LYST: variants seen among roughly 807,000 people sequenced by gnomAD.
LYST encodes the protein lysosomal trafficking regulator.
LYST carries 192 observed loss-of-function variants against 413.6 expected under a neutral mutation model. The ratio of observed to expected loss-of-function variants is 0.46; its 90% CI spans 0.41 to 0.52. The LOEUF is 0.52. Among genes scored for constraint, LYST ranks in the 20% least tolerant of loss-of-function variants. LYST has a pLI of 0.00. For synonymous variants in LYST, 1,525 were observed against 1,567.3 expected, an observed-to-expected ratio of 0.97 and a Z score of 0.64; for missense variants, 3,815 against 4,499.9, an observed-to-expected ratio of 0.85 and a Z score of 4.35.
At chr1:235,738,845 T>C in intron 31 of LYST, 1 of 773,784 alleles carries the variant, frequency 1.3e-6, no homozygotes, top group South Asian at 1.3e-5. Flanking sequence ...GAATAAAGGA[T>C]GATGTCTTCC....
chr1:235,750,232 C>T (rs1008826363), intron 28 of LYST, among the ~76,000 whole-genome samples: 2 of 152,112 alleles, frequency 1.3e-5, no homozygotes, highest in Non-Finnish European at 2.9e-5. Context: ...CAAGAAGAGA[C>T]AGTGCATTCA....
intron 10 of LYST, among the ~76,000 whole-genome samples, chr1:235,797,880 A>C (rs1042606365): frequency 1.3e-5 from 2 of 152,212 alleles, no homozygotes; most frequent in Non-Finnish European, 2.9e-5. Flanking sequence ...ATATCTGATA[A>C]GAAATCAATA....
chr1:235,689,043 A>ACAG (rs1273885703), intron 47 of LYST, among the ~76,000 whole-genome samples: 2 of 147,172 alleles, frequency 1.4e-5, no homozygotes, highest in Non-Finnish European at 3.0e-5. Flanking sequence ...AACAACAACA[A>ACAG]CAACAATAAT....
Position 235,775,054 on chromosome 1 carries a change from T to C in LYST, c.5493A>G (p.Gln1831=). 2 of 1,612,078 alleles carry C rather than the reference T, an allele frequency of 1.2e-6. No individual in the cohort carries two copies. The highest frequency in any genetic ancestry group is 1.3e-5 in the African/African-American group (1 of 75,030). The stretch of plus-strand genomic sequence containing the variant: ...AGAGTATAACTCGCAGTGCTAATGC[T>C]TGAGTTTCTTCACAGCTACTGAGTT... The part of the protein sequence containing the change: ...VVELSSCEET[Q]ALALRVILSL... Residue 1831 remains glutamine, a synonymous_variant, in exon 18 of 53, where the codon CAA becomes CAG. Coordinates refer to ENST00000389793, the MANE Select transcript of LYST (RefSeq NM_000081.4).
chr1:235,825,212 T>A (rs1459462795), intron 3 of LYST, among the ~76,000 whole-genome samples: 1 of 152,180 alleles, frequency 6.6e-6, no homozygotes, highest in African/African-American at 2.4e-5. Flanking sequence ...CTCATTCTGA[T>A]AAAAGGTGTC....
intron 1 of LYST, among the ~76,000 whole-genome samples, chr1:235,836,790 A>T (rs1676625361): frequency 6.6e-6 from 1 of 152,228 alleles, no homozygotes; most frequent in South Asian, 2.1e-4. Context: ...GTTTACTGAT[A>T]GGTAAGACTG....
chr1:235,796,017 TAA>T (rs1671523951), intron 10 of LYST, among the ~76,000 whole-genome samples: 1 of 151,596 alleles, frequency 6.6e-6, no homozygotes, highest in Non-Finnish European at 1.5e-5. Context: ...AAAAATTAAA[TAA>T]AAGGTTGGGA....
Position 235,854,664 on chromosome 1 carries a change from G to A in LYST, c.-98+12179C>T, listed in dbSNP as rs765464019. 2.0e-5 allele frequency among the ~76,000 whole-genome samples: 3 copies of A among 152,098 alleles called. No homozygotes were observed. The highest frequency in any genetic ancestry group is 4.8e-5 in the African/African-American group (2 of 41,380). ...GTTGTTGCGAATATCAACATTAAAC[G>A]AGATAATTCATGTAAAATGCATAGC... On this transcript the variant is annotated intron_variant, in intron 1 of 52. Transcript: ENST00000389793. This position sits in a 1 kb window ranked among gnomAD's most constrained non-coding sequence, Gnocchi z 4.1.
rs978441504 is a variant in LYST at position 235,806,164 on chromosome 1, T to C, written c.2972A>G (p.His991Arg). The change falls in exon 6 of 53, where the codon CAT becomes CGT. Residue 991 changes from histidine (H) to arginine (R), a missense_variant. This residue lies in a region of LYST where 1,648 missense variants were observed against 1,810.3 expected (regional missense o/e 0.91). Coordinates refer to ENST00000389793, the MANE Select transcript of LYST (RefSeq NM_000081.4). Reference sequence around the variant, plus strand: ...CTGTATTATCATAAATATTAACTTATGGCATACTCGGAAACCACCAAGCCT... The same window carrying C: ...CTGTATTATCATAAATATTAACTTACGGCATACTCGGAAACCACCAAGCCT... ...FYRLGGFRVC[H>R]KLIFMIIQKL... The C allele has an allele frequency of 1.2e-5, 19 of 1,613,818 alleles. No individual in the cohort carries two copies. Among genetic ancestry groups the C allele is most frequent in the Middle Eastern group, 1.6e-4 (1 of 6,084 alleles).
At chr1:235,691,857 G>A (rs770437860) in intron 47 of LYST, among the ~76,000 whole-genome samples, 3 of 151,336 alleles carry the variant, frequency 2.0e-5, no homozygotes, top group South Asian at 4.2e-4. Flanking sequence ...ACCACCATGC[G>A]TGGCTAATTT....
rs767166436 is a variant in LYST, at chr1:235,766,280, G to GA, written c.5923-4dup. On this transcript the variant is annotated splice_polypyrimidine_tract_variant and splice_region_variant and intron_variant, in intron 20 of 52. Coordinates refer to ENST00000389793, the MANE Select transcript of LYST (RefSeq NM_000081.4). ...GTGAGTTGCCCCTCTTTGTATTCCTGAAAAAATAAAAAAAACTCTCTTTAG... is the reference window on the plus strand; with the variant it reads ...GTGAGTTGCCCCTCTTTGTATTCCTGAAAAAAATAAAAAAAACTCTCTTTAG... 1.4e-5 allele frequency: 22 copies of GA among 1,586,446 alleles called. No individual in the cohort carries two copies. The highest frequency in any genetic ancestry group is 1.7e-4 in the Middle Eastern group (1 of 5,928).
chr1:235,866,280 G>A (rs1399086035), intron 1 of LYST, among the ~76,000 whole-genome samples: 1 of 152,188 alleles, frequency 6.6e-6, no homozygotes, highest in Non-Finnish European at 1.5e-5. Context: ...CCCAGTCAAA[G>A]GGTGTCACGG....
chr1:235,670,944 A>C (rs1658891232), intron 50 of LYST, among the ~76,000 whole-genome samples: 1 of 152,222 alleles, frequency 6.6e-6, no homozygotes, highest in African/African-American at 2.4e-5. Context: ...AAAGCAGATA[A>C]TATGATTCCC....
chr1:235,774,012 T>C (rs1284378193), intron 18 of LYST, 21 bp from the exon 19 acceptor site: 1 of 1,542,162 alleles, frequency 6.5e-7, no homozygotes, highest in East Asian at 2.3e-5. Flanking sequence ...TTAGCATTAA[T>C]ATAAGATGCA....
intron 44 of LYST, among the ~76,000 whole-genome samples, chr1:235,707,399 GT>G (rs1558136906): frequency 6.6e-6 from 1 of 152,186 alleles, no homozygotes; most frequent in Non-Finnish European, 1.5e-5. Flanking sequence ...GGCTGAGGTG[GT>G]GGATCACGAG....
intron 3 of LYST, among the ~76,000 whole-genome samples, chr1:235,816,457 T>TAAAAAAAAAAAAAA (rs1231395765): frequency 9.7e-6 from 1 of 103,412 alleles, no homozygotes; most frequent in African/African-American, 5.1e-5. Context: ...AATAAATAAA[T>TAAAAAAAAAAAAAA]AAAAAATAAA....
Position 235,866,016 on chromosome 1 carries a change from CG to C in LYST, c.-98+826del, listed in dbSNP as rs574389174. Among the ~76,000 whole-genome samples the C allele has an allele frequency of 2.1e-3, 325 of 152,216 alleles. 5 individuals are homozygous for C. Among genetic ancestry groups the C allele is most frequent in the African/African-American group, 7.6e-3 (315 of 41,526 alleles). ...GGTGTGTATGGTCTGCCGAGCGGAT[CG>C]GGGATGTTTTGCTATGTTTTGTTTA... On this transcript the variant is annotated intron_variant, in intron 1 of 52. Transcript: ENST00000389793.
At chr1:235,703,198 G>C (rs971177204) in intron 44 of LYST, among the ~76,000 whole-genome samples, 1 of 152,100 alleles carries the variant, frequency 6.6e-6, no homozygotes, top group Non-Finnish European at 1.5e-5. Context: ...GTTATAATTA[G>C]TTATGTTTAT....
chr1:235,843,538 C>T (rs1042683135), intron 1 of LYST, among the ~76,000 whole-genome samples: 16 of 152,028 alleles, frequency 1.1e-4, no homozygotes, highest in African/African-American at 3.9e-4. Flanking sequence ...TTTTATAGCT[C>T]TATGTAAATG....
Sources: allele counts gnomAD v4.1 joint callset (sites outside exome capture counted in the v4.1 genomes callset), GRCh38; gene constraint gnomAD v4.1.1; regional missense constraint gnomAD v4.1.1; non-coding constraint Gnocchi (gnomAD v3.1); transcripts MANE v1.5; gene names NCBI Gene and HGNC (gene_info 2026-07-23, HGNC 2026-07-21).